Variants in CTCF observed in about 807,000 individuals in gnomAD.
CTCF encodes CCCTC-binding factor, also known as transcriptional repressor CTCF.
Under a neutral mutation model 72.3 loss-of-function variants are expected in CTCF, and 7 were observed. That is an observed-to-expected ratio of 0.10 (90% CI 0.06 to 0.18). The LOEUF is 0.18. CTCF is among the 10% of genes least tolerant of loss of function. The pLI, the probability that CTCF is intolerant of heterozygous loss-of-function variation, is 1.00. For missense variants in CTCF, 516 were observed against 949.1 expected (o/e 0.54, Z 6.00); for synonymous variants, 374 against 315.8 (o/e 1.18, Z -1.95).
chr16:67,578,893 A>G (rs1459717233), intron 2 of CTCF, among the ~76,000 whole-genome samples: 1 of 151,496 alleles, frequency 6.6e-6, no homozygotes, highest in Non-Finnish European at 1.5e-5. Context: ...GGTTGCAGTG[A>G]GCCGAGATTG....
At chr16:67,629,556 T>A (rs1013013307) in intron 10 of CTCF, 23 bp downstream of exon 10, 9 of 1,610,688 alleles carry the variant, frequency 5.6e-6, no homozygotes, top group Non-Finnish European at 7.6e-6. Context: ...TTCCTTGATT[T>A]GCTTACTATG....
At chr16:67,590,856 G>A (rs2051733053) in intron 2 of CTCF, among the ~76,000 whole-genome samples, 2 of 151,638 alleles carry the variant, frequency 1.3e-5, no homozygotes, top group Admixed American at 6.6e-5. Context: ...AGCTACTTGG[G>A]AGGCTGAGGC....
intron 2 of CTCF, among the ~76,000 whole-genome samples, chr16:67,582,861 CAT>C (rs2051605637): frequency 6.6e-6 from 1 of 151,886 alleles, no homozygotes; most frequent in South Asian, 2.1e-4. Context: ...GATAGGGTGA[CAT>C]AGAGGTCTGT....
At chr16:67,609,549 T>G (rs150558342) in intron 2 of CTCF, among the ~76,000 whole-genome samples, 1 of 152,316 alleles carries the variant, frequency 6.6e-6, no homozygotes, top group Non-Finnish European at 1.5e-5. Flanking sequence ...GATTGATTAC[T>G]GTCTCTTTAA....
chr16:67,600,312 C>T (rs1166379667), intron 2 of CTCF, among the ~76,000 whole-genome samples: 1 of 152,028 alleles, frequency 6.6e-6, no homozygotes, highest in Non-Finnish European at 1.5e-5. Context: ...AATCTCAGCT[C>T]ACTGTAACCT....
intron 2 of CTCF, among the ~76,000 whole-genome samples, chr16:67,595,552 T>G (rs186974926): frequency 7.0e-6 from 1 of 143,014 alleles, no homozygotes; most frequent in Non-Finnish European, 1.6e-5. Context: ...GTTGAATGTC[T>G]TCTTGGCTGG....
At chr16:67,566,754 T>C (rs1391703942) in intron 1 of CTCF, among the ~76,000 whole-genome samples, 1 of 151,820 alleles carries the variant, frequency 6.6e-6, no homozygotes, top group Non-Finnish European at 1.5e-5. Context: ...TAATTTTTTG[T>C]ATTTTTAGTA....
intron 7 of CTCF, among the ~76,000 whole-genome samples, chr16:67,626,116 C>G (rs1042899622): frequency 1.3e-5 from 2 of 151,896 alleles, no homozygotes; most frequent in Admixed American, 6.6e-5. Context: ...CATTCATTTT[C>G]TGTATAGCAC....
chr16:67,569,296 C>T (rs182598776), intron 1 of CTCF, among the ~76,000 whole-genome samples: 61 of 152,282 alleles, frequency 4.0e-4, no homozygotes, highest in African/African-American at 1.4e-3. Context: ...AACGATTCTC[C>T]TGCCTCAGCC....
intron 8 of CTCF, chr16:67,628,049 C>T (rs2052315016): frequency 2.2e-5 from 5 of 223,594 alleles, no homozygotes; most frequent in Admixed American, 5.6e-5. Flanking sequence ...GAGCCAAGAT[C>T]GCGCCACTGC....
chr16:67,588,910 C>T (rs1221941451), intron 2 of CTCF, among the ~76,000 whole-genome samples: 1 of 151,982 alleles, frequency 6.6e-6, no homozygotes, highest in Non-Finnish European at 1.5e-5. Context: ...AGGCTGGTCT[C>T]GAACTTCTAA....
At chr16:67,620,630 A>T in intron 5 of CTCF, 67 bp from the exon 6 acceptor site, 1 of 1,372,832 alleles carries the variant, frequency 7.3e-7, no homozygotes, top group Non-Finnish European at 9.8e-7. Flanking sequence ...TTTTGTGCCT[A>T]ACCTACTGTG....
intron 2 of CTCF, among the ~76,000 whole-genome samples, chr16:67,591,969 T>G (rs6499135): frequency 0.57 from 86,527 of 151,824 alleles, 27,989 homozygotes; most frequent in African/African-American, 0.89. Context: ...TGGCTCTGCC[T>G]CCCCAAGTAC....
chr16:67,586,904 C>G (rs559791291), intron 2 of CTCF, among the ~76,000 whole-genome samples: 2 of 152,112 alleles, frequency 1.3e-5, no homozygotes, highest in South Asian at 4.1e-4. Context: ...TGCAATCCTC[C>G]CGCCTCAGCC....
chr16:67,600,364 A>G (rs1055461259), intron 2 of CTCF, among the ~76,000 whole-genome samples: 1 of 151,738 alleles, frequency 6.6e-6, no homozygotes, highest in Non-Finnish European at 1.5e-5. Flanking sequence ...TCAGCCTCCC[A>G]AGTAGCTGGG....
In CTCF at chr16:67,603,217, CA is replaced by C. The variant is rs566572586; in HGVS notation, c.-9-7597del. 1.3e-3 allele frequency among the ~76,000 whole-genome samples: 188 copies of C among 148,242 alleles called. 5 individuals are homozygous for C. In the South Asian group the frequency reaches 0.02, roughly 15 times the overall value. On this transcript the variant is annotated intron_variant, in intron 2 of 11. Transcript: ENST00000264010. ...GACCAGCCTGGGCAACACACCTCTA[CA>C]AAAAAAAAATTACAAAAAAAGAAAA...
intron 7 of CTCF, among the ~76,000 whole-genome samples, chr16:67,622,929 T>A (rs937486171): frequency 2.0e-5 from 3 of 150,140 alleles, no homozygotes; most frequent in African/African-American, 7.4e-5. Context: ...CCCAAAGTGC[T>A]GGGATTACAG....
intron 10 of CTCF, among the ~76,000 whole-genome samples, chr16:67,630,434 A>T (rs1286081873): frequency 6.6e-6 from 1 of 152,068 alleles, no homozygotes; most frequent in Admixed American, 6.6e-5. Context: ...CTAGTCATGA[A>T]ACCCAGGCAG....
intron 8 of CTCF, chr16:67,627,819 G>C (rs2052311000): frequency 6.6e-6 from 1 of 151,668 alleles, no homozygotes; most frequent in South Asian, 2.1e-4. Context: ...GGTGCCTGTA[G>C]TCCCAGCTAC....
Sources: gnomAD v4.1 joint callset for allele counts (sites outside exome capture counted in the v4.1 genomes callset) on GRCh38, gnomAD v4.1.1 for gene constraint, MANE v1.5 for transcripts, NCBI Gene and HGNC (gene_info 2026-07-23, HGNC 2026-07-21) for gene names.